Variants in MED13L observed in about 807,000 individuals in gnomAD.
MED13L encodes mediator complex subunit 13L, also known as mediator of RNA polymerase II transcription subunit 13-like.
Under a neutral mutation model 220.9 loss-of-function variants are expected in MED13L, and 7 were observed. That is an observed-to-expected ratio of 0.03 (90% CI 0.02 to 0.06). The LOEUF (loss-of-function observed/expected upper bound fraction) is 0.06. Among genes scored for constraint, MED13L ranks in the 10% least tolerant of loss-of-function variants. The pLI, the probability that MED13L is intolerant of heterozygous loss-of-function variation, is 1.00. For synonymous variants in MED13L, 1,011 were observed against 1,015.2 expected, an observed-to-expected ratio of 1.00 and a Z score of 0.08; for missense variants, 1,965 against 2,760.5, an observed-to-expected ratio of 0.71 and a Z score of 6.46.
intron 13 of MED13L, among the ~76,000 whole-genome samples, chr12:116,004,818 T>C (rs997790984): frequency 2.0e-5 from 3 of 152,202 alleles, no homozygotes; most frequent in African/African-American, 7.2e-5. Context: ...ATCTGTTAGA[T>C]ACATTTTATT....
intron 2 of MED13L, among the ~76,000 whole-genome samples, chr12:116,216,829 T>C (rs545531062): frequency 3.9e-5 from 6 of 152,324 alleles, no homozygotes; most frequent in African/African-American, 1.2e-4. Context: ...TACATTACTG[T>C]ACTTGATTTG....
In MED13L at chr12:116,241,386, T is replaced by C. The variant is rs78458910; in HGVS notation, c.73-3681A>G. Among the ~76,000 whole-genome samples, 147 of 149,924 alleles carry C rather than the reference T, an allele frequency of 9.8e-4. No homozygotes were observed. In the East Asian group the frequency reaches 0.019, roughly 20 times the overall value. On this transcript the variant is annotated intron_variant, in intron 1 of 30. Transcript: ENST00000281928. ...CAATAAATATGAATCACTAATAACA[T>C]CTAATAACATTAACCTTATTTAAAG...
At chr12:116,252,584 C>G (rs1046849868) in intron 1 of MED13L, among the ~76,000 whole-genome samples, 1 of 151,608 alleles carries the variant, frequency 6.6e-6, no homozygotes, top group Non-Finnish European at 1.5e-5. Flanking sequence ...AAGCATCTAC[C>G]CTCAGAAGCT....
At chr12:116,032,920 G>A (rs1880943411) in intron 4 of MED13L, among the ~76,000 whole-genome samples, 2 of 152,122 alleles carry the variant, frequency 1.3e-5, no homozygotes, top group South Asian at 4.2e-4. Context: ...AAAGAAGACG[G>A]ATGGGAGAGG....
At chr12:116,045,272 T>C (rs543553206) in intron 4 of MED13L, among the ~76,000 whole-genome samples, 14 of 152,330 alleles carry the variant, frequency 9.2e-5, no homozygotes, top group African/African-American at 3.4e-4. Flanking sequence ...CTGCTTTTAA[T>C]CTGGTCATCC....
intron 2 of MED13L, among the ~76,000 whole-genome samples, chr12:116,217,009 T>A (rs1166473526): frequency 6.6e-6 from 1 of 152,228 alleles, no homozygotes; most frequent in Non-Finnish European, 1.5e-5. Flanking sequence ...TGACTTTTTT[T>A]ATGTTCTGCT....
At position 116,229,377 on chromosome 12, in the gene MED13L, A is replaced by G. The variant is rs374126910; in HGVS notation, c.310+8091T>C. On this transcript the variant is annotated intron_variant, in intron 2 of 30. Transcript: ENST00000281928. ...TTACTTTATATAAGTAGGTGATTTC[A>G]TATCAACGCAAAACATTAGGCCATA... is the stretch of plus-strand genomic sequence containing the variant. Among the ~76,000 whole-genome samples, 28 of 152,356 alleles carry G rather than the reference A, an allele frequency of 1.8e-4. No individual in the cohort carries two copies. In the East Asian group the frequency reaches 2.1e-3, roughly 12 times the overall value.
intron 4 of MED13L, among the ~76,000 whole-genome samples, chr12:116,030,515 C>T (rs1041672350): frequency 3.3e-5 from 5 of 151,532 alleles, no homozygotes; most frequent in Admixed American, 2.0e-4. Flanking sequence ...CACAATAAAA[C>T]GGAAGGAAGA....
chr12:116,097,441 C>T (rs1403744497), intron 3 of MED13L, among the ~76,000 whole-genome samples: 2 of 152,164 alleles, frequency 1.3e-5, no homozygotes, highest in Non-Finnish European at 2.9e-5. Context: ...CCATCATGCC[C>T]AGCCCATCTT....
intron 4 of MED13L, among the ~76,000 whole-genome samples, chr12:116,041,305 C>T (rs985635458): frequency 6.6e-6 from 1 of 152,124 alleles, no homozygotes; most frequent in African/African-American, 2.4e-5. Flanking sequence ...GCCTTGCTTC[C>T]CCTTTGCCTT....
intron 2 of MED13L, among the ~76,000 whole-genome samples, chr12:116,112,195 T>A (rs1874148264): frequency 6.6e-6 from 1 of 152,198 alleles, no homozygotes; most frequent in South Asian, 2.1e-4. Context: ...ATTCCTAAAA[T>A]TCCTTTTATT....
intron 1 of MED13L, among the ~76,000 whole-genome samples, chr12:116,269,775 A>G (rs1195592874): frequency 6.6e-6 from 1 of 152,248 alleles, no homozygotes; most frequent in East Asian, 1.9e-4. Context: ...TCAAAGTAGT[A>G]GAAATACAGT....
intron 2 of MED13L, among the ~76,000 whole-genome samples, chr12:116,194,627 G>A (rs144144839): frequency 1.8e-4 from 28 of 152,226 alleles, no homozygotes; most frequent in African/African-American, 6.7e-4. Context: ...AACTTTGGCT[G>A]AACTGCATAA....
chr12:116,146,530 G>T (rs1175724488), intron 2 of MED13L, among the ~76,000 whole-genome samples: 1 of 151,832 alleles, frequency 6.6e-6, no homozygotes, highest in Non-Finnish European at 1.5e-5. Flanking sequence ...CATGGCCTAG[G>T]GAAACCGAAA....
intron 2 of MED13L, among the ~76,000 whole-genome samples, chr12:116,159,821 A>G (rs1878724325): frequency 6.6e-6 from 1 of 150,570 alleles, no homozygotes; most frequent in African/African-American, 2.5e-5. Flanking sequence ...TTAAATCTTC[A>G]ACTTTACAGT....
chr12:116,187,018 T>C (rs1880943868), intron 2 of MED13L, among the ~76,000 whole-genome samples: 2 of 152,186 alleles, frequency 1.3e-5, no homozygotes, highest in African/African-American at 4.8e-5. Flanking sequence ...AGCATGTTTA[T>C]TAATACCCAA....
At chr12:116,080,639 G>C (rs552502362) in intron 4 of MED13L, among the ~76,000 whole-genome samples, 1 of 152,178 alleles carries the variant, frequency 6.6e-6, no homozygotes, top group African/African-American at 2.4e-5. Context: ...CTTCAATGAA[G>C]TCAAATATTT....
intron 4 of MED13L, among the ~76,000 whole-genome samples, chr12:116,063,755 T>A (rs544012699): frequency 7.6e-4 from 116 of 152,322 alleles, no homozygotes; most frequent in African/African-American, 2.7e-3. Flanking sequence ...ATACTTAGTA[T>A]CATTATGGTA....
intron 1 of MED13L, among the ~76,000 whole-genome samples, chr12:116,274,199 C>T (rs1480817784): frequency 6.6e-6 from 1 of 151,956 alleles, no homozygotes; most frequent in Non-Finnish European, 1.5e-5. Context: ...AAATTTGATT[C>T]CGTGCAGTAA....
Sources: allele counts gnomAD v4.1 joint callset (sites outside exome capture counted in the v4.1 genomes callset), GRCh38; gene constraint gnomAD v4.1.1; transcripts MANE v1.5; gene names NCBI Gene and HGNC (gene_info 2026-07-23, HGNC 2026-07-21).